The following ANKFN1 variants were observed in gnomAD, a reference collection of about 807,000 sequenced individuals.
ANKFN1 encodes ankyrin repeat and fibronectin type-III domain-containing protein 1.
In ANKFN1, 74 loss-of-function variants were observed where a neutral mutation model predicts 108.7. That is an observed-to-expected ratio of 0.68 (90% CI 0.56 to 0.83). ANKFN1 has a LOEUF of 0.83. ANKFN1 is among the 40% of genes least tolerant of loss of function. The pLI, the probability that ANKFN1 is intolerant of heterozygous loss-of-function variation, is 0.00. For synonymous variants in ANKFN1, 547 were observed against 516.2 expected (o/e 1.06, Z -0.81); for missense variants, 1,505 against 1,382.3 (o/e 1.09, Z -1.41).
chr17:56,211,419 T>C (rs1914989349), intron 1 of ANKFN1, among the ~76,000 whole-genome samples: 1 of 152,188 alleles, frequency 6.6e-6, no homozygotes, highest in Admixed American at 6.5e-5. Context: ...ACGTAAGTAT[T>C]TAGCTTTATT....
intron 4 of ANKFN1, among the ~76,000 whole-genome samples, chr17:56,074,167 C>T (rs1458698743): frequency 6.6e-6 from 1 of 152,184 alleles, no homozygotes; most frequent in Non-Finnish European, 1.5e-5. Context: ...GTAGCTTCCT[C>T]TCTGGATAAA....
At position 56,294,718 on chromosome 17, in the gene ANKFN1, T is replaced by G. The variant is rs570516706; in HGVS notation, c.54-31503T>G. On this transcript the variant is annotated intron_variant, in intron 3 of 20. Coordinates refer to ENST00000682825, the MANE Select transcript of ANKFN1 (RefSeq NM_001370326.1). Reference sequence around the variant, plus strand: ...AGGGACAGCCCAAGTCTGGCAGAAATAGCAGAAACTTTCTGCCACATAACT... The same window carrying G: ...AGGGACAGCCCAAGTCTGGCAGAAAGAGCAGAAACTTTCTGCCACATAACT... Among the ~76,000 whole-genome samples, 10 of 152,322 alleles carry G rather than the reference T, an allele frequency of 6.6e-5. No individual in the cohort carries two copies. In the East Asian group the frequency reaches 9.6e-4, roughly 15 times the overall value.
chr17:56,116,405 C>T (rs1022549157), intron 4 of ANKFN1, among the ~76,000 whole-genome samples: 1 of 152,146 alleles, frequency 6.6e-6, no homozygotes, highest in African/African-American at 2.4e-5. Context: ...TTTGGACCTT[C>T]CAAGTCTCAT....
Position 56,157,848 on chromosome 17 carries a change from A to G in ANKFN1, c.-71+4318A>G, listed in dbSNP as rs144378877. 1.1e-3 allele frequency among the ~76,000 whole-genome samples: 170 copies of G among 152,294 alleles called. 2 individuals are homozygous for G. Among genetic ancestry groups the G allele is most frequent in the African/African-American group, 3.9e-3 (163 of 41,554 alleles). On this transcript the variant is annotated intron_variant, in intron 1 of 20. Transcript: ENST00000682825. ...ATTGGATACGTGGAATCCGAATTTTAGCTTTACCGGTACCTGTTCCTCTCC... is the reference window on the plus strand; with the variant it reads ...ATTGGATACGTGGAATCCGAATTTTGGCTTTACCGGTACCTGTTCCTCTCC...
intron 1 of ANKFN1, among the ~76,000 whole-genome samples, chr17:56,155,035 C>A (rs1025481048): frequency 2.6e-5 from 4 of 152,166 alleles, no homozygotes; most frequent in Non-Finnish European, 4.4e-5. Context: ...AGCCTTCATG[C>A]CCCCCTCAAC....
chr17:56,464,489 A>G (rs1159293042), intron 14 of ANKFN1, among the ~76,000 whole-genome samples: 3 of 152,196 alleles, frequency 2.0e-5, no homozygotes, highest in Non-Finnish European at 4.4e-5. Flanking sequence ...ACACCAATAC[A>G]TGCAGTAAAG....
At chr17:56,405,835 T>A (rs1373657378) in intron 8 of ANKFN1, among the ~76,000 whole-genome samples, 1 of 152,190 alleles carries the variant, frequency 6.6e-6, no homozygotes, top group Non-Finnish European at 1.5e-5. Flanking sequence ...GAGGAGGATC[T>A]ATATTCACAT....
chr17:56,329,422 C>G (rs2045604138), intron 4 of ANKFN1, among the ~76,000 whole-genome samples: 1 of 152,128 alleles, frequency 6.6e-6, no homozygotes, highest in Admixed American at 6.6e-5. Flanking sequence ...CAAAATCCTT[C>G]TCAGGCATCA....
chr17:56,131,988 C>T (rs1907312508), intron 4 of ANKFN1, among the ~76,000 whole-genome samples: 1 of 152,160 alleles, frequency 6.6e-6, no homozygotes, highest in African/African-American at 2.4e-5. Flanking sequence ...CATATGGACC[C>T]TCAAATTAAA....
chr17:56,129,349 T>C (rs898082634), intron 4 of ANKFN1, among the ~76,000 whole-genome samples: 3 of 152,194 alleles, frequency 2.0e-5, no homozygotes, highest in African/African-American at 7.2e-5. Context: ...ACCTATATGA[T>C]ATACTCACTG....
chr17:56,080,779 T>C (rs965309735), intron 4 of ANKFN1, among the ~76,000 whole-genome samples: 16 of 152,246 alleles, frequency 1.1e-4, no homozygotes, highest in African/African-American at 3.6e-4. Context: ...TTTTATGTTT[T>C]CATAGAGACA....
chr17:56,478,238 G>A (rs74484625), intron 16 of ANKFN1, among the ~76,000 whole-genome samples: 2,739 of 152,298 alleles, frequency 0.018, 73 homozygotes, highest in African/African-American at 0.062. Context: ...GTTACTCATG[G>A]TAAAACCACT....
intron 8 of ANKFN1, among the ~76,000 whole-genome samples, chr17:56,409,977 T>A (rs530206030): frequency 3.3e-5 from 5 of 152,104 alleles, no homozygotes; most frequent in African/African-American, 1.2e-4. Flanking sequence ...AATATATAAT[T>A]TTTTTAAAAA....
rs531640755 is a variant in ANKFN1 at position 56,335,002 on chromosome 17, T to G, written c.188+8647T>G. Among the ~76,000 whole-genome samples, 4 of 152,262 alleles carry G rather than the reference T, an allele frequency of 2.6e-5. No individual in the cohort carries two copies. In the South Asian group the frequency reaches 8.3e-4, roughly 32 times the overall value. ...TAGGGAATCGTTTCCCCATTGCTTG[T>G]TTTTGTCAGGTTTGTCAAAAATCAG... is the stretch of plus-strand genomic sequence containing the variant. On this transcript the variant is annotated intron_variant, in intron 4 of 20. Coordinates refer to ENST00000682825, the MANE Select transcript of ANKFN1 (RefSeq NM_001370326.1).
chr17:56,488,597 C>T (rs777241669), intron 18 of ANKFN1, among the ~76,000 whole-genome samples: 1 of 152,200 alleles, frequency 6.6e-6, no homozygotes, highest in East Asian at 1.9e-4. Flanking sequence ...CCCTAATACC[C>T]ATTTTACATG....
intron 1 of ANKFN1, among the ~76,000 whole-genome samples, chr17:56,181,198 T>A (rs530686163): frequency 1.7e-3 from 261 of 152,326 alleles, no homozygotes; most frequent in African/African-American, 5.7e-3. Flanking sequence ...GTTTCATTTT[T>A]CTTGCATGAA....
intron 4 of ANKFN1, among the ~76,000 whole-genome samples, chr17:56,101,084 T>C (rs1905638805): frequency 6.6e-6 from 1 of 152,114 alleles, no homozygotes; most frequent in African/African-American, 2.4e-5. Flanking sequence ...GTGGATACAA[T>C]GAGACAATGG....
rs71137190 is a variant in ANKFN1, at chr17:56,061,265, C to CTTTTTTTTT, written c.288+14955_288+14963dup. 1.4e-3 allele frequency among the ~76,000 whole-genome samples: 105 copies of CTTTTTTTTT among 72,916 alleles called. 6 individuals carry two copies. Among genetic ancestry groups the CTTTTTTTTT allele is most frequent in the East Asian group, 2.6e-3 (5 of 1,924 alleles). 47.8% of individuals were successfully genotyped at this position (72,916 alleles called of 152,430 possible). ...TCTGATTTCTCTGATGGTAGTTTTT[C>CTTTTTTTTT]TTTTTTTTTTTTTTTTTTTTTTTGA... On this transcript the variant is annotated intron_variant, in intron 4 of 12. Coordinates refer to the ANKFN1 transcript ENST00000635860.
chr17:56,297,449 G>A (rs1290970664), intron 3 of ANKFN1, among the ~76,000 whole-genome samples: 1 of 152,150 alleles, frequency 6.6e-6, no homozygotes. Flanking sequence ...AGCTTCAAAG[G>A]TCTCTTTGGA....
Sources: gnomAD v4.1 joint callset for allele counts (sites outside exome capture counted in the v4.1 genomes callset) on GRCh38, gnomAD v4.1.1 for gene constraint, MANE v1.5 for transcripts, NCBI Gene and HGNC (gene_info 2026-07-23, HGNC 2026-07-21) for gene names.